Variants in RGS7 observed in about 807,000 individuals in gnomAD.
The protein encoded by RGS7 is regulator of G-protein signaling 7.
Under a neutral mutation model 81.1 loss-of-function variants are expected in RGS7, and 27 were observed. The observed-to-expected ratio is 0.33, with a 90% CI of 0.25 to 0.46. The LOEUF is 0.46. RGS7 is among the 20% of genes least tolerant of loss of function. RGS7 has a pLI of 1.00. For missense variants in RGS7, 396 were observed against 607.4 expected (o/e 0.65, Z 3.66); for synonymous variants, 208 against 207.7 (o/e 1.00, Z -0.01).
At chr1:241,255,300 C>A (rs2077009100) in intron 2 of RGS7, among the ~76,000 whole-genome samples, 1 of 152,118 alleles carries the variant, frequency 6.6e-6, no homozygotes, top group Non-Finnish European at 1.5e-5. Flanking sequence ...TGTTTCAATC[C>A]TGAAACCAGG....
chr1:241,213,234 T>C (rs1251748708), intron 2 of RGS7, among the ~76,000 whole-genome samples: 2 of 152,192 alleles, frequency 1.3e-5, no homozygotes, highest in Admixed American at 1.3e-4. Flanking sequence ...TGACCGTAAA[T>C]CTCACTGGCA....
chr1:240,799,087 G>A (rs540678224), intron 18 of RGS7, among the ~76,000 whole-genome samples: 25 of 152,050 alleles, frequency 1.6e-4, no homozygotes, highest in Non-Finnish European at 2.6e-4. Flanking sequence ...TATAAAATAC[G>A]GAACACTAAA....
chr1:241,115,587 G>A (rs2065837654), intron 2 of RGS7, among the ~76,000 whole-genome samples: 1 of 152,120 alleles, frequency 6.6e-6, no homozygotes, highest in African/African-American at 2.4e-5. Context: ...ACATAACGTG[G>A]GGCGAATGGT....
At chr1:241,094,200 G>T (rs7537496) in intron 3 of RGS7, among the ~76,000 whole-genome samples, 3,819 of 151,198 alleles carry the variant, frequency 0.025, 167 homozygotes, top group African/African-American at 0.088. Flanking sequence ...GCATTACCCA[G>T]CCCCTAGGTT....
intron 2 of RGS7, among the ~76,000 whole-genome samples, chr1:241,225,359 T>C (rs2075256551): frequency 6.6e-6 from 1 of 152,212 alleles, no homozygotes. Flanking sequence ...GGCAAATATA[T>C]CAACTCTCTT....
intron 9 of RGS7, among the ~76,000 whole-genome samples, chr1:240,843,545 C>T (rs1658509603): frequency 1.3e-5 from 2 of 152,182 alleles, no homozygotes; most frequent in Admixed American, 1.3e-4. Flanking sequence ...GGATTACAGG[C>T]ATGAGCCACT....
chr1:241,330,715 T>C (rs953420578), intron 2 of RGS7, among the ~76,000 whole-genome samples: 1 of 152,204 alleles, frequency 6.6e-6, no homozygotes, highest in African/African-American at 2.4e-5. Flanking sequence ...TCTAAAGGCA[T>C]ATATTCTTCC....
chr1:240,831,697 G>T (rs1693879971), intron 9 of RGS7, among the ~76,000 whole-genome samples: 1 of 149,746 alleles, frequency 6.7e-6, no homozygotes, highest in South Asian at 2.1e-4. Flanking sequence ...GTGCAATGGC[G>T]CAATCTCGGC....
intron 4 of RGS7, among the ~76,000 whole-genome samples, chr1:240,958,432 A>G (rs1001824043): frequency 3.3e-5 from 5 of 152,218 alleles, no homozygotes; most frequent in Non-Finnish European, 2.9e-5. Flanking sequence ...ACATCTTTTC[A>G]TCACTTCTTG....
In RGS7 at chr1:241,220,352, G is replaced by A. The variant is rs1422324381; in HGVS notation, c.79-121590C>T. On this transcript the variant is annotated intron_variant, in intron 2 of 18. Transcript: ENST00000440928. Reference sequence around the variant, plus strand: ...TAAAGATCTTTTTAAAAATACTGACGCCTGAACCATACTGCAGGCCAATTA... The same window carrying A: ...TAAAGATCTTTTTAAAAATACTGACACCTGAACCATACTGCAGGCCAATTA... Among the ~76,000 whole-genome samples the A allele has an allele frequency of 3.3e-5, 5 of 152,178 alleles. 1 individual carries two copies. Among genetic ancestry groups the A allele is most frequent in the Admixed American group, 1.3e-4 (2 of 15,282 alleles).
At chr1:240,856,923 A>G (rs1329633736) in intron 9 of RGS7, among the ~76,000 whole-genome samples, 2 of 152,174 alleles carry the variant, frequency 1.3e-5, no homozygotes, top group African/African-American at 4.8e-5. Context: ...TGAATCTACC[A>G]AATAAGACAA....
chr1:241,084,103 G>A (rs1293635743), intron 3 of RGS7, among the ~76,000 whole-genome samples: 2 of 152,154 alleles, frequency 1.3e-5, no homozygotes, highest in African/African-American at 4.8e-5. Context: ...AGTAAAACTT[G>A]CATTGGCCCA....
intron 2 of RGS7, among the ~76,000 whole-genome samples, chr1:241,296,090 TG>T (rs1487926700): frequency 6.6e-6 from 1 of 151,898 alleles, no homozygotes; most frequent in African/African-American, 2.4e-5. Flanking sequence ...CCTGGGCTGG[TG>T]GTGTGGATTT....
intron 3 of RGS7, among the ~76,000 whole-genome samples, chr1:241,074,077 T>A (rs2062654202): frequency 6.6e-6 from 1 of 152,102 alleles, no homozygotes; most frequent in African/African-American, 2.4e-5. Context: ...ATTTTTGTAT[T>A]TTTAGTAGAG....
chr1:241,075,367 G>A (rs1478837448), intron 3 of RGS7, among the ~76,000 whole-genome samples: 2 of 152,050 alleles, frequency 1.3e-5, no homozygotes, highest in Admixed American at 6.6e-5. Context: ...TTTTATACTT[G>A]GGAATTAACC....
chr1:240,788,407 A>ACATT (rs1225811507), intron 18 of RGS7, among the ~76,000 whole-genome samples: 59 of 152,346 alleles, frequency 3.9e-4, no homozygotes, highest in African/African-American at 1.3e-3. Flanking sequence ...GTGGCTCTTG[A>ACATT]CATTCACTGT....
At chr1:240,879,315 C>G (rs1665997279) in intron 6 of RGS7, among the ~76,000 whole-genome samples, 1 of 152,174 alleles carries the variant, frequency 6.6e-6, no homozygotes, top group Non-Finnish European at 1.5e-5. Flanking sequence ...ATTGCAAGTT[C>G]AAATTTTATT....
At chr1:241,307,492 AT>A (rs2080248637) in intron 2 of RGS7, among the ~76,000 whole-genome samples, 1 of 152,210 alleles carries the variant, frequency 6.6e-6, no homozygotes, top group African/African-American at 2.4e-5. Context: ...TCACTGAGCG[AT>A]CTCAACAAAC....
chr1:241,226,369 CCATGCTGGAGAGAAGGCAAATCT>C (rs1461508109), intron 2 of RGS7, among the ~76,000 whole-genome samples: 1 of 152,164 alleles, frequency 6.6e-6, no homozygotes, highest in Non-Finnish European at 1.5e-5. Flanking sequence ...CCTGCTTCTG[CCATGCTGGAGAGAAGGCAAATCT>C]CAAAGGGTCT....
Sources: gnomAD v4.1 joint callset for allele counts (sites outside exome capture counted in the v4.1 genomes callset) on GRCh38, gnomAD v4.1.1 for gene constraint, MANE v1.5 for transcripts, NCBI Gene and HGNC (gene_info 2026-07-23, HGNC 2026-07-21) for gene names.